Variants in UBASH3A observed in about 807,000 individuals in gnomAD.
UBASH3A encodes ubiquitin-associated and SH3 domain-containing protein A.
Under a neutral mutation model 73.5 loss-of-function variants are expected in UBASH3A, and 63 were observed. The ratio of observed to expected loss-of-function variants is 0.86; its 90% CI spans 0.70 to 1.06. The LOEUF is 1.06. Among genes scored for constraint, UBASH3A ranks in the 50% least tolerant of loss-of-function variants. The pLI is 0.00. For missense variants in UBASH3A, 860 were observed against 859.0 expected (o/e 1.00, Z -0.02); for synonymous variants, 363 against 351.1 (o/e 1.03, Z -0.38).
chr21:42,437,949 C>T (rs965102005), intron 11 of UBASH3A, among the ~76,000 whole-genome samples: 2 of 152,222 alleles, frequency 1.3e-5, no homozygotes, highest in Non-Finnish European at 2.9e-5. Context: ...TTGCATGACC[C>T]TTCCCAGGGC....
intron 11 of UBASH3A, among the ~76,000 whole-genome samples, chr21:42,438,993 T>C (rs1234975070): frequency 2.0e-5 from 3 of 152,094 alleles, no homozygotes; most frequent in African/African-American, 4.8e-5. Context: ...GGAGGAGCCG[T>C]TGGGACAGCA....
intron 9 of UBASH3A, among the ~76,000 whole-genome samples, chr21:42,434,596 G>A (rs751659526): frequency 1.3e-5 from 2 of 152,230 alleles, no homozygotes; most frequent in African/African-American, 4.8e-5. Context: ...GGGTTGCATA[G>A]TTCCTGGGGC....
chr21:42,405,549 C>T (rs1178843017), intron 1 of UBASH3A, among the ~76,000 whole-genome samples: 1 of 152,222 alleles, frequency 6.6e-6, no homozygotes, highest in Non-Finnish European at 1.5e-5. Flanking sequence ...TTGTTCAAAC[C>T]TCTCCAGGTG....
At chr21:42,445,580 T>C (rs1418458414) in intron 14 of UBASH3A, among the ~76,000 whole-genome samples, 1 of 152,226 alleles carries the variant, frequency 6.6e-6, no homozygotes, top group African/African-American at 2.4e-5. Flanking sequence ...GCAGGAGGGC[T>C]TAGCTCTCTA....
At position 42,413,209 on chromosome 21, in the gene UBASH3A, A is replaced by C; in HGVS notation, c.540A>C (p.Ala180=). The change falls in exon 4 of 15, where the codon GCA becomes GCC. Residue 180 remains alanine (A), a synonymous_variant. Transcript: ENST00000319294. The surrounding 1 kb of genome is among the most constrained non-coding windows in gnomAD (Gnocchi z 4.5). The part of the protein sequence containing the change: ...REFAMTFATE[A]SLLAGTSVSR... ...TCGCCATGACCTTCGCCACGGAAGC[A>C]TCTCTCTTAGCAGGTGGGCAGCCCT... 3 of 1,614,226 alleles carry C rather than the reference A, an allele frequency of 1.9e-6. No homozygotes were observed. The highest frequency in any genetic ancestry group is 2.5e-6 in the Non-Finnish European group (3 of 1,180,036).
At chr21:42,443,116 G>A (rs914069885) in intron 12 of UBASH3A, 196 bp from the exon 13 acceptor site, 6 of 1,378,496 alleles carry the variant, frequency 4.4e-6, no homozygotes, top group Non-Finnish European at 5.6e-6. Flanking sequence ...TGTTGAGTAA[G>A]AATGTGTGCT....
intron 9 of UBASH3A, among the ~76,000 whole-genome samples, chr21:42,432,874 C>A (rs954194868): frequency 6.6e-6 from 1 of 152,164 alleles, no homozygotes; most frequent in East Asian, 1.9e-4. Flanking sequence ...AATATGGTCA[C>A]CTCTATAAAA....
chr21:42,409,887 T>C (rs764483384), intron 3 of UBASH3A, among the ~76,000 whole-genome samples: 6 of 152,202 alleles, frequency 3.9e-5, no homozygotes, highest in Non-Finnish European at 8.8e-5. Flanking sequence ...TTCTCGTTCA[T>C]GTGTCTAGTG....
rs1568913436 is a variant in UBASH3A at position 42,413,557 on chromosome 21, GTCT to G, written c.667+38_667+40del. On this transcript the variant is annotated intron_variant, in intron 5 of 14. Coordinates refer to ENST00000319294, the MANE Select transcript of UBASH3A (RefSeq NM_018961.4). The surrounding 1 kb of genome is among the most constrained non-coding windows in gnomAD (Gnocchi z 4.5). ...TTAGAAAGCTTCCGGACCAGCTTTG[GTCT>G]TCTCTTTAGGCGGGAATAGCCTTGT... 2 of 1,500,360 alleles carry G rather than the reference GTCT, an allele frequency of 1.3e-6. No homozygotes were observed. The highest frequency in any genetic ancestry group is 4.5e-5 in the East Asian group (2 of 44,374). The allele number at this position is 1,500,360 out of a possible 1,614,324, so 92.9% of individuals were successfully genotyped here. A position where few individuals can be genotyped will look rare whatever the true frequency, so the allele number is the denominator to read the frequency against.
intron 10 of UBASH3A, among the ~76,000 whole-genome samples, chr21:42,437,197 T>C (rs2053639863): frequency 6.6e-6 from 1 of 152,264 alleles, no homozygotes; most frequent in Non-Finnish European, 1.5e-5. Context: ...TCTCTGACTT[T>C]TTTCCATGAC....
At chr21:42,417,885 T>C (rs933742962) in intron 6 of UBASH3A, among the ~76,000 whole-genome samples, 13 of 138,136 alleles carry the variant, frequency 9.4e-5, no homozygotes, top group South Asian at 2.5e-4. Flanking sequence ...TTTCTTTTTT[T>C]TTTTTTTTTT....
chr21:42,442,742 C>A, intron 12 of UBASH3A, 146 bp downstream of exon 12: 2 of 859,268 alleles, frequency 2.3e-6, no homozygotes, highest in Admixed American at 2.9e-5. Context: ...AGAGGTGGGG[C>A]TCAACTCCTA....
chr21:42,444,223 C>G (rs2053806207), intron 13 of UBASH3A, among the ~76,000 whole-genome samples: 1 of 152,222 alleles, frequency 6.6e-6, no homozygotes, highest in Non-Finnish European at 1.5e-5. Flanking sequence ...GCTTGGGCGT[C>G]AGCCACCGCT....
chr21:42,421,153 G>C lies in UBASH3A; in HGVS notation c.1046+2544G>C, dbSNP rs2053331334. Among the ~76,000 whole-genome samples, 9 of 152,236 alleles carry C rather than the reference G, an allele frequency of 5.9e-5. No homozygotes were observed. The South Asian group carries it at 1.7e-3, about 28-fold the overall frequency. On this transcript the variant is annotated intron_variant, in intron 7 of 14. Coordinates refer to ENST00000319294, the MANE Select transcript of UBASH3A (RefSeq NM_018961.4). ...CAGGTTCCAGTTAGGAGAGTGGAGA[G>C]AGCAGGCAGAGGTCAGAGTACACAT...
At chr21:42,427,083 G>A (rs1161231496) in intron 8 of UBASH3A, among the ~76,000 whole-genome samples, 5 of 152,210 alleles carry the variant, frequency 3.3e-5, no homozygotes, top group African/African-American at 7.2e-5. Context: ...GCTGAATCCC[G>A]AGTTCTCATC....
chr21:42,406,746 G>A (rs1328070843), intron 2 of UBASH3A, among the ~76,000 whole-genome samples: 2 of 114,898 alleles, frequency 1.7e-5, no homozygotes, highest in Admixed American at 8.0e-5. Flanking sequence ...GGTTAAAAAT[G>A]GTAACATTTG....
intron 8 of UBASH3A, among the ~76,000 whole-genome samples, chr21:42,429,463 T>C (rs1459093019): frequency 6.6e-6 from 1 of 152,144 alleles, no homozygotes; most frequent in Non-Finnish European, 1.5e-5. Context: ...CAGAAGAACA[T>C]TTAAAATGCT....
In UBASH3A at chr21:42,435,982, TAGTTATAGAGTTATAGAGTCATAG is replaced by T. The variant is rs1355697778; in HGVS notation, c.1393+1052_1393+1075del. ...TTATAGAGTCATAGAATTATAGAGT[TAGTTATAGAGTTATAGAGTCATAG>T]AGTTATAGAGTTATAGAGTCATAAA... On this transcript the variant is annotated intron_variant, in intron 10 of 14. Coordinates refer to ENST00000319294, the MANE Select transcript of UBASH3A (RefSeq NM_018961.4). 7.2e-5 allele frequency among the ~76,000 whole-genome samples: 7 copies of T among 97,300 alleles called. No homozygotes were observed. The South Asian group carries it at 1.6e-3, about 22-fold the overall frequency. 63.8% of individuals were successfully genotyped at this position (97,300 alleles called of 152,430 possible).
rs1192456516 is a variant in UBASH3A, at chr21:42,406,381, T to C, written c.167+20T>C. The stretch of plus-strand genomic sequence containing the variant: ...GGCCTGGTGAGTGCAGCTGCTTCTG[T>C]AGACCCAGGGGCGTTTGGGCTGAAT... On this transcript the variant is annotated intron_variant, in intron 2 of 14. Transcript: ENST00000319294. 2.5e-6 allele frequency: 4 copies of C among 1,609,380 alleles called. No homozygotes were observed. Among genetic ancestry groups the C allele is most frequent in the Non-Finnish European group, 3.4e-6 (4 of 1,175,836 alleles).
Sources: allele counts gnomAD v4.1 joint callset (sites outside exome capture counted in the v4.1 genomes callset), GRCh38; gene constraint gnomAD v4.1.1; non-coding constraint Gnocchi (gnomAD v3.1); transcripts MANE v1.5; gene names NCBI Gene and HGNC (gene_info 2026-07-23, HGNC 2026-07-21).